RIMBP2: variants seen among roughly 807,000 people sequenced by gnomAD.
The protein encoded by RIMBP2 is RIMS binding protein 2, also known as RIMS-binding protein 2.
RIMBP2 carries 48 observed loss-of-function variants against 118.6 expected under a neutral mutation model. That is an observed-to-expected ratio of 0.40 (90% CI 0.32 to 0.51). RIMBP2 has a LOEUF of 0.51. Among genes scored for constraint, RIMBP2 ranks in the 20% least tolerant of loss-of-function variants. The probability of loss-of-function intolerance (pLI) is 0.41; values close to 1 mark genes in which losing one functional copy is unlikely to be tolerated. For missense variants in RIMBP2, 1,551 were observed against 1,768.3 expected, an observed-to-expected ratio of 0.88 and a Z score of 2.20; for synonymous variants, 762 against 742.9, an observed-to-expected ratio of 1.03 and a Z score of -0.42.
At chr12:130,711,873 G>A (rs755141716) in intron 1 of RIMBP2, among the ~76,000 whole-genome samples, 5 of 152,366 alleles carry the variant, frequency 3.3e-5, no homozygotes, top group South Asian at 2.1e-4. Context: ...CGCCCGGGCC[G>A]CACAGCCTCC....
chr12:130,571,778 T>C (rs1194564673), intron 2 of RIMBP2, among the ~76,000 whole-genome samples: 1 of 152,114 alleles, frequency 6.6e-6, no homozygotes, highest in Non-Finnish European at 1.5e-5. Context: ...CTGGCCCCCA[T>C]GGCCTCTCAG....
chr12:130,449,761 G>A (rs978088978), intron 9 of RIMBP2, among the ~76,000 whole-genome samples: 5 of 152,094 alleles, frequency 3.3e-5, no homozygotes, highest in Non-Finnish European at 5.9e-5. Flanking sequence ...AGGGGAGAAC[G>A]CACAAAGACA....
chr12:130,564,860 GT>G (rs1179632065), intron 2 of RIMBP2, among the ~76,000 whole-genome samples: 1 of 152,140 alleles, frequency 6.6e-6, no homozygotes, highest in African/African-American at 2.4e-5. Context: ...TGTTAAGAGG[GT>G]AGACTCAATT....
rs763604600 is a variant in RIMBP2 at position 130,437,077 on chromosome 12, A to G, written c.1871T>C (p.Val624Ala). The G allele has an allele frequency of 1.3e-5, 21 of 1,565,546 alleles. No individual in the cohort carries two copies. The highest frequency in any genetic ancestry group is 1.5e-5 in the Non-Finnish European group (17 of 1,154,330). Residue 624 changes from valine (V) to alanine (A), a missense_variant, in exon 13 of 23, where the codon GTC becomes GCC. Transcript: ENST00000690449. ...PQSKPLASSG[V>A]PETKDEHLGP... ...CAGGTGCTCGTCTTTGGTTTCGGGG[A>G]CTCCAGAACTTGCTAATGGCTTTGA...
intron 1 of RIMBP2, among the ~76,000 whole-genome samples, chr12:130,638,433 G>T (rs1486447200): frequency 1.3e-5 from 2 of 152,220 alleles, no homozygotes; most frequent in Admixed American, 6.5e-5. Flanking sequence ...GCCCCGAGCT[G>T]CGGGCTAGTA....
intron 2 of RIMBP2, among the ~76,000 whole-genome samples, chr12:130,554,391 T>A (rs1367212506): frequency 6.6e-6 from 1 of 152,144 alleles, no homozygotes; most frequent in Non-Finnish European, 1.5e-5. Flanking sequence ...TCCTAATGAC[T>A]CTCCTGAGAT....
At chr12:130,414,885 C>T (rs750909511) in intron 17 of RIMBP2, among the ~76,000 whole-genome samples, 31 of 152,306 alleles carry the variant, frequency 2.0e-4, no homozygotes, top group Middle Eastern at 3.4e-3. Flanking sequence ...TAGACACACA[C>T]AACCTCCCAG....
chr12:130,411,154 C>T (rs1302833315), intron 19 of RIMBP2, among the ~76,000 whole-genome samples: 1 of 152,162 alleles, frequency 6.6e-6, no homozygotes, highest in African/African-American at 2.4e-5. Flanking sequence ...ATTTTCATTG[C>T]TCACATATGG....
intron 1 of RIMBP2, among the ~76,000 whole-genome samples, chr12:130,702,333 A>G (rs1172667891): frequency 6.6e-6 from 1 of 152,096 alleles, no homozygotes; most frequent in Non-Finnish European, 1.5e-5. Flanking sequence ...CCCGATCAAT[A>G]TGGAGAAACC....
At chr12:130,494,772 G>C (rs1449335464) in intron 4 of RIMBP2, among the ~76,000 whole-genome samples, 1 of 152,226 alleles carries the variant, frequency 6.6e-6, no homozygotes, top group African/African-American at 2.4e-5. Flanking sequence ...GCTGTCCAGA[G>C]CACTTGGCCT....
chr12:130,674,834 G>T (rs1056717023), intron 1 of RIMBP2, among the ~76,000 whole-genome samples: 1 of 152,098 alleles, frequency 6.6e-6, no homozygotes, highest in African/African-American at 2.4e-5. Flanking sequence ...GCCTGCTCGG[G>T]ACGGGTCGTA....
Position 130,531,579 on chromosome 12 carries a change from T to C in RIMBP2, c.-216-13662A>G, listed in dbSNP as rs528371896. Among the ~76,000 whole-genome samples, 23 of 152,342 alleles carry C rather than the reference T, an allele frequency of 1.5e-4. No individual in the cohort carries two copies. In the South Asian group the frequency reaches 4.6e-3, roughly 30 times the overall value. On this transcript the variant is annotated intron_variant, in intron 2 of 22. Transcript: ENST00000690449. ...ATTTATGTTCAACTATTATTAAACA[T>C]TAGGATGATTCCAGTTTGAGACCAT...
intron 2 of RIMBP2, among the ~76,000 whole-genome samples, chr12:130,532,461 G>A (rs551997779): frequency 3.3e-3 from 497 of 149,692 alleles, no homozygotes; most frequent in African/African-American, 0.012. Context: ...AATGAGATGC[G>A]TGTGTTCAGC....
chr12:130,489,929 T>C (rs992620348), intron 4 of RIMBP2, among the ~76,000 whole-genome samples: 2 of 151,934 alleles, frequency 1.3e-5, no homozygotes, highest in East Asian at 3.9e-4. Flanking sequence ...ATCGAGACCA[T>C]CCTGGCCAAC....
intron 2 of RIMBP2, among the ~76,000 whole-genome samples, chr12:130,600,343 C>T (rs1011757359): frequency 6.6e-6 from 1 of 152,232 alleles, no homozygotes; most frequent in African/African-American, 2.4e-5. Context: ...ACATTCCAAA[C>T]CCCTCCCCGA....
chr12:130,522,249 G>A (rs1247441782), intron 2 of RIMBP2, among the ~76,000 whole-genome samples: 2 of 152,234 alleles, frequency 1.3e-5, no homozygotes, highest in Admixed American at 6.5e-5. Flanking sequence ...GAATTCTAAT[G>A]AGGATGAGGG....
At chr12:130,487,486 T>C (rs1408525866) in intron 4 of RIMBP2, among the ~76,000 whole-genome samples, 1 of 152,194 alleles carries the variant, frequency 6.6e-6, no homozygotes, top group African/African-American at 2.4e-5. Flanking sequence ...CACTTTGCCT[T>C]CTGCCATGTT....
At chr12:130,445,300 G>A in intron 9 of RIMBP2, 31 bp from the exon 10 acceptor site, 1 of 1,527,586 alleles carries the variant, frequency 6.5e-7, no homozygotes, top group Non-Finnish European at 9.0e-7. Flanking sequence ...CTTCATTAGA[G>A]GCTCTGGAGG....
chr12:130,674,423 G>A (rs1023047403), intron 1 of RIMBP2, among the ~76,000 whole-genome samples: 8 of 152,246 alleles, frequency 5.3e-5, no homozygotes, highest in East Asian at 3.9e-4. Context: ...GGATGAGGAC[G>A]TAGTTGTGCA....
Sources: allele counts gnomAD v4.1 joint callset (sites outside exome capture counted in the v4.1 genomes callset), GRCh38; gene constraint gnomAD v4.1.1; transcripts MANE v1.5; gene names NCBI Gene and HGNC (gene_info 2026-07-23, HGNC 2026-07-21).